DNAH1: variants seen among roughly 807,000 people sequenced by gnomAD.
DNAH1 encodes the protein dynein axonemal heavy chain 1, also known as axonemal beta dynein heavy chain 1.
A neutral mutation model predicts 484.3 loss-of-function variants in DNAH1; 327 were observed. The observed-to-expected ratio is 0.68, with a 90% confidence interval of 0.62 to 0.74. The LOEUF is 0.74. DNAH1 is among the 30% of genes least tolerant of loss of function. The probability of loss-of-function intolerance (pLI) is 0.00; values close to 1 mark genes in which losing one functional copy is unlikely to be tolerated. For synonymous variants in DNAH1, 2,192 were observed against 2,191.9 expected (o/e 1.00, Z 0.00); for missense variants, 5,052 against 5,546.8 (o/e 0.91, Z 2.83).
upstream of DNAH1, among the ~76,000 whole-genome samples, chr3:52,314,782 C>G (rs1700895184): frequency 6.6e-6 from 1 of 152,034 alleles, no homozygotes; most frequent in South Asian, 2.1e-4. Context: ...GAGAAGTAGC[C>G]CAAGATGGCA....
intron 66 of DNAH1, among the ~76,000 whole-genome samples, chr3:52,393,999 C>T (rs536174065): frequency 7.9e-5 from 12 of 152,388 alleles, no homozygotes; most frequent in South Asian, 2.1e-4. Flanking sequence ...CAGGCCTTCT[C>T]GAGCCTTGAG....
chr3:52,347,148 G>A (rs1165829606), intron 11 of DNAH1, among the ~76,000 whole-genome samples: 3 of 152,188 alleles, frequency 2.0e-5, no homozygotes, highest in Non-Finnish European at 4.4e-5. Flanking sequence ...TAGACACTGG[G>A]GGTGGGTCAG....
At chr3:52,350,143 G>A (rs1457273392) in intron 15 of DNAH1, 35 bp downstream of exon 15, 2 of 1,600,052 alleles carry the variant, frequency 1.2e-6, no homozygotes, top group Admixed American at 1.7e-5. Flanking sequence ...GGCCAGGGAG[G>A]CACAGGGCTG....
At chr3:52,352,851 C>T in intron 18 of DNAH1, 144 bp downstream of exon 18, 1 of 1,333,168 alleles carries the variant, frequency 7.5e-7, no homozygotes. Flanking sequence ...AACCCTGGCC[C>T]TCAGGTTGAG....
chr3:52,369,236 C>T lies in DNAH1; in HGVS notation c.5943+318C>T, dbSNP rs565944465. On this transcript the variant is annotated intron_variant, in intron 37 of 77. Coordinates refer to ENST00000420323, the MANE Select transcript of DNAH1 (RefSeq NM_015512.5). ...GCTCCCCGGCTGATGATGCCTCTTG[C>T]CTCCCAGGCCCAATTTCAGCCATGT... Among the ~76,000 whole-genome samples the T allele has an allele frequency of 2.6e-5, 4 of 152,322 alleles. No homozygotes were observed. In the South Asian group the frequency reaches 8.3e-4, roughly 32 times the overall value.
At chr3:52,372,865 G>A in intron 43 of DNAH1, 31 bp from the exon 44 acceptor site, 1 of 1,589,872 alleles carries the variant, frequency 6.3e-7, no homozygotes, top group Non-Finnish European at 8.6e-7. Context: ...GGTGCCTGTG[G>A]GTGCTGGGCT....
rs376365318 is a variant in DNAH1 at position 52,355,065 on chromosome 3, C to T, written c.3693+10C>T. ...ACTGAAGCTGACCCAGGTCGGCCCT[C>T]CCCCCAGTCCTTCCCTCATCGCTCC... On this transcript the variant is annotated intron_variant, in intron 21 of 77. Coordinates refer to ENST00000420323, the MANE Select transcript of DNAH1 (RefSeq NM_015512.5). The surrounding 1 kb of genome is among the most constrained non-coding windows in gnomAD (Gnocchi z 4.5). 6.2e-6 allele frequency: 10 copies of T among 1,611,660 alleles called. No individual in the cohort carries two copies. The highest frequency in any genetic ancestry group is 3.3e-4 in the Middle Eastern group (2 of 6,042).
rs1039262406 is a variant in DNAH1, at chr3:52,361,477, A to G, written c.4874+125A>G. On this transcript the variant is annotated intron_variant, in intron 29 of 77. Coordinates refer to ENST00000420323, the MANE Select transcript of DNAH1 (RefSeq NM_015512.5). This position sits in a 1 kb window ranked among gnomAD's most constrained non-coding sequence, Gnocchi z 5.6. ...ATGGTGGAGGGGACAGAAGGGGGTA[A>G]TAGGCATCACGGCTTGGTCCTGGGG... is the stretch of plus-strand genomic sequence containing the variant. 7.7e-7 allele frequency: 1 copy of G among 1,301,222 alleles called. No individual in the cohort carries two copies. The highest frequency in any genetic ancestry group is 1.5e-5 in the African/African-American group (1 of 67,208). 80.6% of individuals were successfully genotyped at this position (1,301,222 alleles called of 1,614,324 possible). A position where few individuals can be genotyped will look rare whatever the true frequency, so the allele number is the denominator to read the frequency against.
At chr3:52,372,198 A>G in intron 42 of DNAH1, 29 bp from the exon 43 acceptor site, 1 of 1,612,858 alleles carries the variant, frequency 6.2e-7, no homozygotes, top group Non-Finnish European at 8.5e-7. Flanking sequence ...GGCCCACCGC[A>G]TGCTCCTGTG....
chr3:52,351,885 G>A, intron 16 of DNAH1, 77 bp from the exon 17 acceptor site: 2 of 1,522,068 alleles, frequency 1.3e-6, no homozygotes, highest in Middle Eastern at 2.2e-4. Context: ...TGCCTGGTGG[G>A]ATGCCCCTGC....
rs969817976 is a variant in DNAH1, at chr3:52,331,163, A to G, written c.887A>G (p.Gln296Arg). The G allele has an allele frequency of 1.3e-6, 2 of 1,596,936 alleles. No homozygotes were observed. Among genetic ancestry groups the G allele is most frequent in the Non-Finnish European group, 1.7e-6 (2 of 1,171,514 alleles). Residue 296 changes from glutamine (Q) to arginine (R), a missense_variant, in exon 7 of 78, where the codon CAG becomes CGG. This residue lies in a region of DNAH1 where 1,263 missense variants were observed against 1,218.8 expected (regional missense o/e 1.04). Transcript: ENST00000420323. ...CCTGTTTCAGAGGACCCCAAGAGTC[A>G]GAAGCTGAAGTACAAATGGTGCGAG... The part of the protein sequence containing the change: ...DFLGHEDPKS[Q>R]KLKYKWCEVG...
chr3:52,346,747 C>A lies in DNAH1; in HGVS notation c.1932C>A (p.Asp644Glu). ...LNCTDDMVWG[D>E]DLINSPYRPR... is the part of the protein sequence containing the mutation. Reference sequence around the variant, plus strand: ...GCACCGATGACATGGTCTGGGGTGACGACTTAATTAACAGCCCCTACAGGT... The same window carrying A: ...GCACCGATGACATGGTCTGGGGTGAAGACTTAATTAACAGCCCCTACAGGT... The change falls in exon 11 of 78, where the codon GAC becomes GAA. Residue 644 changes from aspartate (D) to glutamate (E), a missense_variant. Physicochemically the swap from Asp to Glu is conservative, Grantham distance 45. Around this residue, in one of 4 missense-constraint regions of DNAH1, gnomAD observed 1,263 missense variants for 1,218.8 expected, o/e 1.04. Transcript: ENST00000420323. 3 of 1,606,832 alleles carry A rather than the reference C, an allele frequency of 1.9e-6. No homozygotes were observed. In the South Asian group the frequency reaches 3.3e-5, roughly 18 times the overall value.
In DNAH1 at chr3:52,398,976, T is replaced by C; in HGVS notation, c.12216T>C (p.Pro4072=). 6.2e-7 allele frequency: 1 copy of C among 1,613,986 alleles called. No individual in the cohort carries two copies. The highest frequency in any genetic ancestry group is 8.5e-7 in the Non-Finnish European group (1 of 1,179,852). ...MAASLYNNTV[P]ELWSAKAYPS... ...CCAGCCTGTACAACAATACTGTGCC[T>C]GAGCTCTGGAGTGCCAAGGCCTACC... The change falls in exon 76 of 78, where the codon CCT becomes CCC. Residue 4072 remains proline, a synonymous_variant. Coordinates refer to ENST00000420323, the MANE Select transcript of DNAH1 (RefSeq NM_015512.5).
At chr3:52,387,175 C>G (rs1247432434) in intron 56 of DNAH1, among the ~76,000 whole-genome samples, 1 of 152,198 alleles carries the variant, frequency 6.6e-6, no homozygotes, top group Non-Finnish European at 1.5e-5. Flanking sequence ...TTCCAAGTCT[C>G]CACAGCCTGG....
At chr3:52,396,150 T>A (rs1405573549) in intron 70 of DNAH1, among the ~76,000 whole-genome samples, 2 of 152,154 alleles carry the variant, frequency 1.3e-5, no homozygotes, top group East Asian at 3.9e-4. Flanking sequence ...GGCCAGGCTG[T>A]TCTCAAACTC....
chr3:52,332,205 A>T lies in DNAH1; in HGVS notation c.1097A>T (p.Glu366Val). 6.2e-7 allele frequency: 1 copy of T among 1,609,764 alleles called. No homozygotes were observed. The highest frequency in any genetic ancestry group is 8.5e-7 in the Non-Finnish European group (1 of 1,177,758). Reference sequence around the variant, plus strand: ...CGGATCCAGCTTCTCTTCTGCGCTGAGGACCCTTGCATGTTCGCACAACGT... The same window carrying T: ...CGGATCCAGCTTCTCTTCTGCGCTGTGGACCCTTGCATGTTCGCACAACGT... ...VPRIQLLFCA[E>V]DPCMFAQRVV... is the part of the protein sequence containing the mutation. The change falls in exon 8 of 78, where the codon GAG (glutamate) becomes GTG (valine). Residue 366 changes from glutamate to valine, a missense_variant. By Grantham distance (121) the Glu-to-Val change is moderately radical. Transcript: ENST00000420323.
chr3:52,385,704 G>A (rs929456311), intron 54 of DNAH1, among the ~76,000 whole-genome samples: 1 of 152,228 alleles, frequency 6.6e-6, no homozygotes, highest in Non-Finnish European at 1.5e-5. Context: ...ACCACAACCC[G>A]GAGTCTGCCC....
chr3:52,370,125 G>T lies in DNAH1; in HGVS notation c.6154G>T (p.Val2052Phe). ...CTCCCTGCAGGAATCCATCTCCTTC[G>T]TTCGGTCCTCAGTGAAGGAGGTGAT... ...VSFLEESISFVRSSVKEVIAS... is the reference protein window; with the variant it reads ...VSFLEESISFFRSSVKEVIAS... The change falls in exon 39 of 78, where the codon GTT becomes TTT. Residue 2052 changes from valine to phenylalanine, a missense_variant. Around this residue, in one of 4 missense-constraint regions of DNAH1, gnomAD observed 2,929 missense variants for 3,409.4 expected, o/e 0.86. Transcript: ENST00000420323. 1.9e-6 allele frequency: 3 copies of T among 1,613,968 alleles called. No individual in the cohort carries two copies. The highest frequency in any genetic ancestry group is 2.5e-6 in the Non-Finnish European group (3 of 1,179,874).
Position 52,395,258 on chromosome 3 carries a change from G to T in DNAH1, c.10969-50G>T. 6.3e-7 allele frequency: 1 copy of T among 1,590,586 alleles called. No homozygotes were observed. Among genetic ancestry groups the T allele is most frequent in the Non-Finnish European group, 8.6e-7 (1 of 1,166,704 alleles). Reference sequence around the variant, plus strand: ...ACCCCAGATCCCCCTCCCTTGCCCCGATCTCTCTGCAGCCCCAGGTGGTCT... The same window carrying T: ...ACCCCAGATCCCCCTCCCTTGCCCCTATCTCTCTGCAGCCCCAGGTGGTCT... On this transcript the variant is annotated intron_variant, in intron 68 of 77. Coordinates refer to ENST00000420323, the MANE Select transcript of DNAH1 (RefSeq NM_015512.5). The surrounding 1 kb of genome is among the most constrained non-coding windows in gnomAD (Gnocchi z 4.4).
Sources: allele counts gnomAD v4.1 joint callset (sites outside exome capture counted in the v4.1 genomes callset), GRCh38; gene constraint gnomAD v4.1.1; regional missense constraint gnomAD v4.1.1; non-coding constraint Gnocchi (gnomAD v3.1); transcripts MANE v1.5; gene names NCBI Gene and HGNC (gene_info 2026-07-23, HGNC 2026-07-21).